The following RBFOX1 variants were observed in gnomAD, a reference collection of about 807,000 sequenced individuals.
The protein encoded by RBFOX1 is RNA binding fox-1 homolog 1.
RBFOX1 carries 8 observed loss-of-function variants against 57.7 expected under a neutral mutation model. That is an observed-to-expected ratio of 0.14 (90% confidence interval 0.08 to 0.25). The LOEUF (loss-of-function observed/expected upper bound fraction) is 0.25. Ranked by LOEUF, RBFOX1 falls within the 10% of genes least tolerant of loss-of-function variation. The probability of loss-of-function intolerance (pLI) is 1.00; values close to 1 mark genes in which losing one functional copy is unlikely to be tolerated. For synonymous variants in RBFOX1, 326 were observed against 222.4 expected (o/e 1.47, Z -4.15); for missense variants, 611 against 548.5 (o/e 1.11, Z -1.14).
chr16:6,383,368 G>A (rs1273431360), intron 2 of RBFOX1, among the ~76,000 whole-genome samples: 3 of 152,210 alleles, frequency 2.0e-5, no homozygotes, highest in African/African-American at 7.2e-5. Context: ...AAGCATGATT[G>A]TGTCATTTCT....
chr16:6,854,501 G>A (rs1404572939), intron 3 of RBFOX1, among the ~76,000 whole-genome samples: 2 of 151,756 alleles, frequency 1.3e-5, no homozygotes, highest in African/African-American at 2.4e-5. Flanking sequence ...GCGAAGTTGG[G>A]ACTTTCTCTC....
chr16:5,601,965 T>C (rs1238928176), downstream of RBFOX1, among the ~76,000 whole-genome samples: 1 of 152,226 alleles, frequency 6.6e-6, no homozygotes. Flanking sequence ...GTGGAAGGGA[T>C]GATGGTATCC....
chr16:7,538,315 A>T (rs887251925), intron 5 of RBFOX1, among the ~76,000 whole-genome samples: 1 of 152,126 alleles, frequency 6.6e-6, no homozygotes, highest in Non-Finnish European at 1.5e-5. Context: ...TGTGCTGTCC[A>T]TCTGCCCCAT....
At chr16:6,010,289 A>G (rs2094953907) in intron 4 of RBFOX1, among the ~76,000 whole-genome samples, 1 of 152,136 alleles carries the variant, frequency 6.6e-6, no homozygotes, top group African/African-American at 2.4e-5. Context: ...CAGGATAACC[A>G]ACCGTCACCA....
At chr16:7,684,664 C>T (rs530034937) in intron 14 of RBFOX1, among the ~76,000 whole-genome samples, 1 of 151,618 alleles carries the variant, frequency 6.6e-6, no homozygotes, top group African/African-American at 2.4e-5. Flanking sequence ...CTAACATCCT[C>T]TCAATTCTTG....
At chr16:7,289,852 C>T (rs756038152) in intron 4 of RBFOX1, among the ~76,000 whole-genome samples, 2 of 152,058 alleles carry the variant, frequency 1.3e-5, no homozygotes, top group Non-Finnish European at 2.9e-5. Flanking sequence ...AAATAACTTG[C>T]CAAAAGCCAC....
At chr16:6,608,779 A>G (rs2097988599) in intron 2 of RBFOX1, among the ~76,000 whole-genome samples, 1 of 152,134 alleles carries the variant, frequency 6.6e-6, no homozygotes, top group African/African-American at 2.4e-5. Flanking sequence ...CTCAAAAACA[A>G]ACAAAAACAG....
rs181187797 is a variant in RBFOX1 at position 6,922,059 on chromosome 16, T to A, written c.-15-129998T>A. Among the ~76,000 whole-genome samples, 526 of 152,310 alleles carry A rather than the reference T, an allele frequency of 3.5e-3. 3 individuals are homozygous for A. Among genetic ancestry groups the A allele is most frequent in the African/African-American group, 0.012 (495 of 41,562 alleles). On this transcript the variant is annotated intron_variant, in intron 3 of 15. Transcript: ENST00000550418. ...GCTGTTACCAACTGGCAGCTGGTAT[T>A]ACTATTCAGGTTAATCACTGCCCAG...
intron 1 of RBFOX1, among the ~76,000 whole-genome samples, chr16:5,350,645 C>T (rs150188700): frequency 6.6e-6 from 1 of 152,158 alleles, no homozygotes; most frequent in African/African-American, 2.4e-5. Flanking sequence ...GCGGGCGGAT[C>T]ACCTGAAGTC....
At chr16:5,945,827 T>G (rs2059390139) in intron 4 of RBFOX1, among the ~76,000 whole-genome samples, 1 of 152,316 alleles carries the variant, frequency 6.6e-6, no homozygotes, top group Non-Finnish European at 1.5e-5. Context: ...CTGGGCATCC[T>G]TCCTCCCTAG....
chr16:6,499,822 A>G (rs1469724563), intron 2 of RBFOX1, among the ~76,000 whole-genome samples: 1 of 152,074 alleles, frequency 6.6e-6, no homozygotes, highest in Non-Finnish European at 1.5e-5. Context: ...TTCGCGGGTA[A>G]TCGATACCTC....
chr16:5,940,457 C>T (rs1013600180), intron 4 of RBFOX1, among the ~76,000 whole-genome samples: 6 of 152,174 alleles, frequency 3.9e-5, no homozygotes, highest in African/African-American at 1.4e-4. Flanking sequence ...TTTCCAAGGT[C>T]ACCCACCTGG....
At chr16:7,692,062 A>G (rs1019323706) in intron 14 of RBFOX1, among the ~76,000 whole-genome samples, 3 of 152,098 alleles carry the variant, frequency 2.0e-5, no homozygotes, top group Non-Finnish European at 4.4e-5. Context: ...TTCAGGGATA[A>G]ATTTTATTGC....
chr16:6,055,247 C>A (rs2152444923), intron 1 of RBFOX1, among the ~76,000 whole-genome samples: 1 of 152,174 alleles, frequency 6.6e-6, no homozygotes, highest in South Asian at 2.1e-4. Context: ...GTTCTTCTTT[C>A]AATGCACTTG....
chr16:7,028,227 C>T (rs1335073198), intron 3 of RBFOX1, among the ~76,000 whole-genome samples: 2 of 152,042 alleles, frequency 1.3e-5, no homozygotes, highest in African/African-American at 4.8e-5. Flanking sequence ...GTCCAGCTTT[C>T]TCCGTAATAG....
chr16:7,588,851 C>G (rs189571310), intron 7 of RBFOX1, among the ~76,000 whole-genome samples: 1 of 152,078 alleles, frequency 6.6e-6, no homozygotes, highest in Non-Finnish European at 1.5e-5. Flanking sequence ...TGATGTTGAT[C>G]ATATCAAGGA....
At chr16:6,284,160 C>G (rs1325857506) in intron 1 of RBFOX1, among the ~76,000 whole-genome samples, 1 of 152,150 alleles carries the variant, frequency 6.6e-6, no homozygotes, top group Non-Finnish European at 1.5e-5. Flanking sequence ...CCCATTTTTC[C>G]TATTATCTAC....
At chr16:5,968,165 C>G (rs563390610) in intron 4 of RBFOX1, among the ~76,000 whole-genome samples, 2 of 152,270 alleles carry the variant, frequency 1.3e-5, no homozygotes, top group African/African-American at 4.8e-5. Context: ...ACCTCCACCT[C>G]CTGGGTTTAA....
At chr16:5,792,007 G>A (rs944751207) in intron 3 of RBFOX1, among the ~76,000 whole-genome samples, 1 of 152,144 alleles carries the variant, frequency 6.6e-6, no homozygotes, top group African/African-American at 2.4e-5. Context: ...TTGGCAGGGC[G>A]CTGGCTCTCC....
Sources: allele counts gnomAD v4.1 joint callset (sites outside exome capture counted in the v4.1 genomes callset), GRCh38; gene constraint gnomAD v4.1.1; transcripts MANE v1.5; gene names NCBI Gene and HGNC (gene_info 2026-07-23, HGNC 2026-07-21).